The following BANP variants were observed in gnomAD, a reference collection of about 807,000 sequenced individuals.
BANP encodes BTG3 associated nuclear protein, also known as protein BANP.
In BANP, 11 loss-of-function variants were observed where a neutral mutation model predicts 68.1. That is an observed-to-expected ratio of 0.16 (90% CI 0.10 to 0.27). The LOEUF (loss-of-function observed/expected upper bound fraction) is 0.27. Ranked by LOEUF, BANP falls within the 10% of genes least tolerant of loss-of-function variation. The pLI, the probability that BANP is intolerant of heterozygous loss-of-function variation, is 1.00. For synonymous variants in BANP, 329 were observed against 303.2 expected (o/e 1.09, Z -0.88); for missense variants, 504 against 722.7 (o/e 0.70, Z 3.47).
chr16:87,981,809 T>G (rs1036193514), intron 3 of BANP, among the ~76,000 whole-genome samples: 70 of 152,368 alleles, frequency 4.6e-4, no homozygotes, highest in African/African-American at 1.6e-3. Flanking sequence ...GTCACTTAGA[T>G]TCTAAAGTTT....
rs769840020 is a variant in BANP at position 88,072,132 on chromosome 16, G to C, written c.1441G>C (p.Gly481Arg). The C allele has an allele frequency of 6.2e-7, 1 of 1,610,076 alleles. No homozygotes were observed. The highest frequency in any genetic ancestry group is 8.5e-7 in the Non-Finnish European group (1 of 1,179,120). Residue 481 changes from glycine to arginine, a missense_variant, in exon 13 of 14, where the codon GGG (glycine) becomes CGG (arginine). Coordinates refer to ENST00000682872, the MANE Select transcript of BANP (RefSeq NM_001386991.1). ...GGACCCCGCGGCGGCGGGCGTGGAT[G>C]GGTCGCCACTCCAGGGCAGCGACAT... ...SSDPAAAGVD[G>R]SPLQGSDIQV...
At chr16:87,971,893 A>G (rs2061197600) in intron 1 of BANP, among the ~76,000 whole-genome samples, 1 of 152,070 alleles carries the variant, frequency 6.6e-6, no homozygotes, top group Non-Finnish European at 1.5e-5. Context: ...CCCAGACTCA[A>G]GTGATTTTCC....
At chr16:88,075,363 CGTG>C (rs1471466024) in intron 13 of BANP, among the ~76,000 whole-genome samples, 1 of 152,092 alleles carries the variant, frequency 6.6e-6, no homozygotes, top group Non-Finnish European at 1.5e-5. Flanking sequence ...TTTAGCCGGG[CGTG>C]GTGGTGTGCA....
At chr16:88,020,460 G>A (rs1427705514) in intron 7 of BANP, among the ~76,000 whole-genome samples, 2 of 151,990 alleles carry the variant, frequency 1.3e-5, no homozygotes, top group African/African-American at 2.4e-5. Context: ...ACAGTGTGGA[G>A]TGCGTTGAGA....
intron 8 of BANP, among the ~76,000 whole-genome samples, chr16:88,028,392 G>A (rs2077425226): frequency 6.6e-6 from 1 of 152,202 alleles, no homozygotes; most frequent in African/African-American, 2.4e-5. Context: ...GGGAGTTGCA[G>A]ACCAGATCAC....
At chr16:88,009,476 A>G (rs527257746) in intron 6 of BANP, among the ~76,000 whole-genome samples, 9 of 152,252 alleles carry the variant, frequency 5.9e-5, no homozygotes, top group Non-Finnish European at 7.3e-5. Flanking sequence ...TTTTGTATCA[A>G]ATTTGGAGTC....
In BANP at chr16:88,004,296, G is replaced by T; in HGVS notation, c.364G>T (p.Val122Phe). 2 of 1,520,632 alleles carry T rather than the reference G, an allele frequency of 1.3e-6. No individual in the cohort carries two copies. The highest frequency in any genetic ancestry group is 1.8e-6 in the Non-Finnish European group (2 of 1,119,662). 94.2% of individuals were successfully genotyped at this position (1,520,632 alleles called of 1,614,324 possible). A position where few individuals can be genotyped will look rare whatever the true frequency, so the allele number is the denominator to read the frequency against. ...CTTTGTGATTCTTTTGTTCCCTAGC[G>T]TCGTCCCCCAGACTACAGTAATACT... ...ATQTCNKVRC[V>F]VPQTTVILNN... is the part of the protein sequence containing the mutation. Residue 122 changes from valine (V) to phenylalanine (F), a missense_variant and splice_region_variant, in exon 5 of 14, where the codon GTC (valine) becomes TTC (phenylalanine). Val to Phe is a conservative substitution (Grantham distance 50). Coordinates refer to ENST00000682872, the MANE Select transcript of BANP (RefSeq NM_001386991.1). The surrounding 1 kb of genome is among the most constrained non-coding windows in gnomAD (Gnocchi z 7.0).
At chr16:87,975,344 C>G (rs2061820212) in intron 2 of BANP, 159 bp downstream of exon 2, 6 of 728,896 alleles carry the variant, frequency 8.2e-6, no homozygotes, top group Non-Finnish European at 1.4e-5. Flanking sequence ...GTCGGCCCCT[C>G]CCTTCCCTCG....
At chr16:88,076,378 CTCCCTGGGCGCCAGGG>C (rs1567961208) in intron 13 of BANP, among the ~76,000 whole-genome samples, 196 bp from the exon 14 acceptor site, 1 of 152,206 alleles carries the variant, frequency 6.6e-6, no homozygotes, top group African/African-American at 2.4e-5. Context: ...GTGCCGGAGC[CTCCCTGGGCGCCAGGG>C]TCGTGGGCGC....
chr16:88,047,644 C>CT lies in BANP; in HGVS notation c.1311+9634dup, dbSNP rs553252041. The stretch of plus-strand genomic sequence containing the variant: ...TCAGGGCGCCGGGCCTCACTGGAGT[C>CT]TGATGTTCTTAGTGGGAACAGCCCT... On this transcript the variant is annotated intron_variant, in intron 11 of 13. Transcript: ENST00000682872. Among the ~76,000 whole-genome samples the CT allele has an allele frequency of 1.6e-3, 242 of 152,280 alleles. 2 individuals carry two copies. The highest frequency in any genetic ancestry group is 5.7e-3 in the African/African-American group (237 of 41,556).
At chr16:88,047,377 G>A (rs1367036592) in intron 11 of BANP, among the ~76,000 whole-genome samples, 1 of 152,218 alleles carries the variant, frequency 6.6e-6, no homozygotes, top group Non-Finnish European at 1.5e-5. Flanking sequence ...AGTCAAGGCA[G>A]TATTTTCATG....
intron 6 of BANP, among the ~76,000 whole-genome samples, chr16:88,016,577 C>T (rs1467734303): frequency 2.0e-5 from 3 of 152,228 alleles, no homozygotes; most frequent in African/African-American, 4.8e-5. Flanking sequence ...TTAGACCCAG[C>T]GCCAGGCCCT....
rs577992423 is a variant in BANP at position 88,028,538 on chromosome 16, G to A, written c.1063+888G>A. On this transcript the variant is annotated intron_variant, in intron 8 of 13. Coordinates refer to ENST00000682872, the MANE Select transcript of BANP (RefSeq NM_001386991.1). ...TGAGGATGGGAGGTGGCTGCCTGTAGTGGGCCACACAAGTTGTGTCCCTAA... is the reference window on the plus strand; with the variant it reads ...TGAGGATGGGAGGTGGCTGCCTGTAATGGGCCACACAAGTTGTGTCCCTAA... 7.2e-5 allele frequency among the ~76,000 whole-genome samples: 11 copies of A among 152,296 alleles called. No homozygotes were observed. In the East Asian group the frequency reaches 2.1e-3, roughly 29 times the overall value.
chr16:88,029,970 A>C (rs2077800953), intron 8 of BANP, among the ~76,000 whole-genome samples: 1 of 152,216 alleles, frequency 6.6e-6, no homozygotes, highest in South Asian at 2.1e-4. Flanking sequence ...AATGGCTCCT[A>C]AGCTCACCCC....
At chr16:87,964,990 T>C (rs939954957) in intron 1 of BANP, among the ~76,000 whole-genome samples, 3 of 152,188 alleles carry the variant, frequency 2.0e-5, no homozygotes, top group Admixed American at 6.5e-5. Context: ...CTGGAGTTCA[T>C]GTGCGAGGTC....
At chr16:87,949,941 C>G (rs566068245), upstream of BANP, among the ~76,000 whole-genome samples, 480 of 151,268 alleles carry the variant, frequency 3.2e-3, 4 homozygotes, top group African/African-American at 0.011. Context: ...CCAGTGGCGC[C>G]ATCTCGGCTC....
At chr16:87,981,368 G>C (rs1362193304) in intron 3 of BANP, among the ~76,000 whole-genome samples, 3 of 152,200 alleles carry the variant, frequency 2.0e-5, no homozygotes, top group African/African-American at 7.2e-5. Context: ...GCTCCTTCCA[G>C]CTCTGCCTTC....
intron 8 of BANP, among the ~76,000 whole-genome samples, chr16:88,028,259 C>T (rs558782398): frequency 7.2e-5 from 11 of 152,212 alleles, no homozygotes; most frequent in Non-Finnish European, 1.5e-4. Context: ...GCATTGGCAG[C>T]GACTCTTGGA....
chr16:87,981,392 G>A (rs5013697), intron 3 of BANP, among the ~76,000 whole-genome samples: 53,059 of 152,016 alleles, frequency 0.35, 10,558 homozygotes, highest in Non-Finnish European at 0.47. Context: ...TTCATGTTGC[G>A]GCCGCCTCTG....
Sources: allele counts gnomAD v4.1 joint callset (sites outside exome capture counted in the v4.1 genomes callset), GRCh38; gene constraint gnomAD v4.1.1; non-coding constraint Gnocchi (gnomAD v3.1); transcripts MANE v1.5; gene names NCBI Gene and HGNC (gene_info 2026-07-23, HGNC 2026-07-21).